The following PTPRM variants were observed in gnomAD, a reference collection of about 807,000 sequenced individuals.
PTPRM encodes the protein protein tyrosine phosphatase receptor type M, also known as receptor-type tyrosine-protein phosphatase mu.
In PTPRM, 47 loss-of-function variants were observed where a neutral mutation model predicts 186.7. The observed-to-expected ratio is 0.25, with a 90% CI of 0.20 to 0.32. PTPRM has a LOEUF of 0.32. Ranked by LOEUF, PTPRM falls within the 10% of genes least tolerant of loss-of-function variation. The pLI is 1.00. For missense variants in PTPRM, 1,494 were observed against 1,865.0 expected, an observed-to-expected ratio of 0.80 and a Z score of 3.66; for synonymous variants, 668 against 674.9, an observed-to-expected ratio of 0.99 and a Z score of 0.16.
chr18:7,671,139 T>C (rs2039209713), intron 1 of PTPRM, among the ~76,000 whole-genome samples: 1 of 152,226 alleles, frequency 6.6e-6, no homozygotes, highest in African/African-American at 2.4e-5. Flanking sequence ...TTGCTTTCTT[T>C]AAACATCATG....
At chr18:8,105,647 T>C (rs2091481720) in intron 11 of PTPRM, among the ~76,000 whole-genome samples, 1 of 152,180 alleles carries the variant, frequency 6.6e-6, no homozygotes, top group Non-Finnish European at 1.5e-5. Context: ...AAGGATTCTC[T>C]GCATGGGATC....
intron 1 of PTPRM, among the ~76,000 whole-genome samples, chr18:7,607,289 A>C (rs1463385744): frequency 1.3e-5 from 2 of 152,182 alleles, no homozygotes; most frequent in African/African-American, 4.8e-5. Context: ...AGAAATTCTC[A>C]CTGCAACCAG....
At chr18:8,232,268 C>G (rs1175931189) in intron 14 of PTPRM, among the ~76,000 whole-genome samples, 1 of 152,206 alleles carries the variant, frequency 6.6e-6, no homozygotes, top group Non-Finnish European at 1.5e-5. Context: ...TTCCTCCATG[C>G]CTGTTCATGG....
intron 1 of PTPRM, among the ~76,000 whole-genome samples, chr18:7,571,159 C>G (rs1598432477): frequency 6.6e-6 from 1 of 152,056 alleles, no homozygotes; most frequent in Non-Finnish European, 1.5e-5. Flanking sequence ...CCAGGATGGT[C>G]TCAATCTCTT....
Position 7,760,569 on chromosome 18 carries a change from C to CT in PTPRM, c.74-13572dup, listed in dbSNP as rs35215985. Among the ~76,000 whole-genome samples the CT allele has an allele frequency of 7.2e-5, 11 of 152,008 alleles. No individual in the cohort carries two copies. The East Asian group carries it at 1.2e-3, about 16-fold the overall frequency. On this transcript the variant is annotated intron_variant, in intron 1 of 32. Transcript: ENST00000580170. ...AAACTCAGTGATCCAAGTCATCATG[C>CT]TTTTTTTTATAGACAGGACTGAGAC...
chr18:8,114,171 C>T (rs2091869496), intron 12 of PTPRM, among the ~76,000 whole-genome samples: 1 of 151,966 alleles, frequency 6.6e-6, no homozygotes, highest in Non-Finnish European at 1.5e-5. Flanking sequence ...TGAAGAAGTT[C>T]CACAAGAGTT....
intron 1 of PTPRM, among the ~76,000 whole-genome samples, chr18:7,739,985 T>C (rs2144497546): frequency 6.6e-6 from 1 of 152,348 alleles, no homozygotes; most frequent in Non-Finnish European, 1.5e-5. Flanking sequence ...CATTACAGTC[T>C]CTGTTAGCCA....
At chr18:7,832,859 C>T (rs1400304128) in intron 2 of PTPRM, among the ~76,000 whole-genome samples, 1 of 152,112 alleles carries the variant, frequency 6.6e-6, no homozygotes, top group Non-Finnish European at 1.5e-5. Context: ...TTCCCAACAC[C>T]ATTTATTGAA....
At chr18:8,109,655 A>G (rs961981050) in intron 11 of PTPRM, among the ~76,000 whole-genome samples, 2 of 152,226 alleles carry the variant, frequency 1.3e-5, no homozygotes, top group African/African-American at 4.8e-5. Context: ...TTTATATTAC[A>G]AAACAAAATT....
Position 7,903,086 on chromosome 18 carries a change from A to G in PTPRM, c.469-3419A>G, listed in dbSNP as rs547042230. Among the ~76,000 whole-genome samples, 6 of 152,324 alleles carry G rather than the reference A, an allele frequency of 3.9e-5. No individual in the cohort carries two copies. The East Asian group carries it at 1.2e-3, about 29-fold the overall frequency. ...GCAAAATAAAATTTCAATATGAAAGATAGTTTTGATGAGGAAAGATTTCTT... is the reference window on the plus strand; with the variant it reads ...GCAAAATAAAATTTCAATATGAAAGGTAGTTTTGATGAGGAAAGATTTCTT... On this transcript the variant is annotated intron_variant, in intron 3 of 32. Transcript: ENST00000580170.
At chr18:8,283,945 G>A (rs1433674828) in intron 19 of PTPRM, among the ~76,000 whole-genome samples, 1 of 152,016 alleles carries the variant, frequency 6.6e-6, no homozygotes, top group African/African-American at 2.4e-5. Context: ...TAATACTACT[G>A]AATTGGTTAT....
At chr18:8,363,631 A>C (rs1408003887) in intron 23 of PTPRM, among the ~76,000 whole-genome samples, 1 of 152,194 alleles carries the variant, frequency 6.6e-6, no homozygotes, top group African/African-American at 2.4e-5. Context: ...CTCCCCTGGC[A>C]GGAGGACTTA....
intron 1 of PTPRM, among the ~76,000 whole-genome samples, chr18:7,575,097 C>G (rs548230645): frequency 6.6e-6 from 1 of 152,310 alleles, no homozygotes; most frequent in South Asian, 2.1e-4. Context: ...CAATGTGTAT[C>G]CTAAAATTGA....
At chr18:7,675,786 G>C (rs2039321355) in intron 1 of PTPRM, among the ~76,000 whole-genome samples, 1 of 151,178 alleles carries the variant, frequency 6.6e-6, no homozygotes, top group Admixed American at 6.6e-5. Flanking sequence ...CCAGGCTAGA[G>C]TGCAATGGCA....
At position 7,774,227 on chromosome 18, in the gene PTPRM, T is replaced by G; in HGVS notation, c.152T>G (p.Val51Gly). The change falls in exon 2 of 33, where the codon GTG becomes GGG. Residue 51 changes from valine to glycine, a missense_variant. Transcript: ENST00000580170. ...SEGDDFNWEQVNTLTKPTSDP... is the reference protein window; with the variant it reads ...SEGDDFNWEQGNTLTKPTSDP... The stretch of plus-strand genomic sequence containing the variant: ...GGTGATGACTTCAATTGGGAGCAAG[T>G]GAACACCTTGACTAAACCGACTTCT... 1 of 1,614,122 alleles carries G rather than the reference T, an allele frequency of 6.2e-7. No individual in the cohort carries two copies. The highest frequency in any genetic ancestry group is 8.5e-7 in the Non-Finnish European group (1 of 1,179,962).
At chr18:8,088,017 G>A (rs1247936559) in intron 10 of PTPRM, among the ~76,000 whole-genome samples, 1 of 152,132 alleles carries the variant, frequency 6.6e-6, no homozygotes. Context: ...TACATTGGGA[G>A]GAGAACTAAC....
chr18:7,810,095 G>C (rs1436030609), intron 2 of PTPRM, among the ~76,000 whole-genome samples: 1 of 152,094 alleles, frequency 6.6e-6, no homozygotes, highest in Non-Finnish European at 1.5e-5. Context: ...GAGCCAGCTG[G>C]AATCAGAAAT....
At chr18:7,952,211 T>C (rs544619900) in intron 6 of PTPRM, among the ~76,000 whole-genome samples, 2 of 152,394 alleles carry the variant, frequency 1.3e-5, no homozygotes, top group East Asian at 3.9e-4. Context: ...TGCGTATCCA[T>C]TAGATATATG....
At chr18:8,020,796 A>G (rs1451231298) in intron 7 of PTPRM, among the ~76,000 whole-genome samples, 13 of 152,186 alleles carry the variant, frequency 8.5e-5, no homozygotes, top group Admixed American at 8.5e-4. Context: ...GCCACCCAAC[A>G]CAGTCAACAC....
Sources: gnomAD v4.1 joint callset for allele counts (sites outside exome capture counted in the v4.1 genomes callset) on GRCh38, gnomAD v4.1.1 for gene constraint, MANE v1.5 for transcripts, NCBI Gene and HGNC (gene_info 2026-07-23, HGNC 2026-07-21) for gene names.